The following SUGCT variants were observed in gnomAD, a reference collection of about 807,000 sequenced individuals.
SUGCT encodes the protein succinyl-CoA:glutarate-CoA transferase.
In SUGCT, 41 loss-of-function variants were observed where a neutral mutation model predicts 55.0. The ratio of observed to expected loss-of-function variants is 0.74; its 90% CI spans 0.58 to 0.97. SUGCT has a LOEUF of 0.97. Among genes scored for constraint, SUGCT ranks in the 50% least tolerant of loss-of-function variants. The probability of loss-of-function intolerance (pLI) is 0.00; values close to 1 mark genes in which losing one functional copy is unlikely to be tolerated. For missense variants in SUGCT, 568 were observed against 547.8 expected (o/e 1.04, Z -0.37); for synonymous variants, 187 against 200.4 (o/e 0.93, Z 0.56).
chr7:40,720,223 A>G (rs770205585), intron 12 of SUGCT, among the ~76,000 whole-genome samples: 3 of 152,180 alleles, frequency 2.0e-5, no homozygotes, highest in African/African-American at 4.8e-5. Context: ...CTTGGTCCTG[A>G]GTATTCTTAT....
chr7:40,473,388 T>C (rs1790501427), intron 11 of SUGCT, among the ~76,000 whole-genome samples: 1 of 152,208 alleles, frequency 6.6e-6, no homozygotes, highest in Non-Finnish European at 1.5e-5. Flanking sequence ...TTGGATGTGA[T>C]ATTTGATTGA....
intron 9 of SUGCT, among the ~76,000 whole-genome samples, chr7:40,344,976 A>G (rs13232967): frequency 0.96 from 146,110 of 152,272 alleles, 70,383 homozygotes; most frequent in East Asian, 1. Flanking sequence ...TCGATTCTCC[A>G]TAGGTACTTG....
the SUGCT span, among the ~76,000 whole-genome samples, chr7:40,953,171 A>G: frequency 6.6e-6 from 1 of 152,048 alleles, no homozygotes; most frequent in Non-Finnish European, 1.5e-5. Context: ...TTTTTCCTCT[A>G]AACTTCTCTT....
intron 11 of SUGCT, among the ~76,000 whole-genome samples, chr7:40,459,976 G>C (rs1049756087): frequency 6.6e-6 from 1 of 152,120 alleles, no homozygotes; most frequent in East Asian, 1.9e-4. Context: ...ATGCCCACAT[G>C]AACTTTTCTT....
intron 12 of SUGCT, among the ~76,000 whole-genome samples, chr7:40,587,968 T>A (rs1004138620): frequency 6.7e-6 from 1 of 149,088 alleles, no homozygotes; most frequent in Non-Finnish European, 1.5e-5. Flanking sequence ...AGTGGTGCAA[T>A]CACAGCTCAT....
At chr7:40,279,097 A>C (rs1251296379) in intron 8 of SUGCT, among the ~76,000 whole-genome samples, 1 of 151,358 alleles carries the variant, frequency 6.6e-6, no homozygotes, top group African/African-American at 2.4e-5. Context: ...TTGGCCTGCC[A>C]ACATGTTGGT....
At chr7:40,182,163 C>G (rs1785248963) in intron 3 of SUGCT, 135 bp downstream of exon 3, 1 of 607,320 alleles carries the variant, frequency 1.6e-6, no homozygotes, top group Middle Eastern at 4.5e-4. Flanking sequence ...TCTTTTTCTT[C>G]TCCATTTCTT....
chr7:40,665,518 C>T (rs1394901416), intron 12 of SUGCT, among the ~76,000 whole-genome samples: 1 of 151,496 alleles, frequency 6.6e-6, no homozygotes, highest in African/African-American at 2.4e-5. Flanking sequence ...CAGGAAAATC[C>T]AGCATGAGTG....
chr7:41,009,536 A>T, the SUGCT span, among the ~76,000 whole-genome samples: 1 of 149,030 alleles, frequency 6.7e-6, no homozygotes, highest in African/African-American at 2.5e-5. Flanking sequence ...CCATCCATCC[A>T]TCCTTCCTTC....
At chr7:40,452,986 C>CT (rs1789274740) in intron 10 of SUGCT, among the ~76,000 whole-genome samples, 1 of 152,172 alleles carries the variant, frequency 6.6e-6, no homozygotes, top group Non-Finnish European at 1.5e-5. Flanking sequence ...GCTTTTCCCT[C>CT]TAGTTATTCC....
chr7:40,449,407 G>C (rs1021383701), intron 10 of SUGCT, 49 bp downstream of exon 10: 1 of 1,486,584 alleles, frequency 6.7e-7, no homozygotes, highest in Non-Finnish European at 9.3e-7. Flanking sequence ...CAAAGCCAGG[G>C]AAAGTTCAGT....
intron 12 of SUGCT, among the ~76,000 whole-genome samples, chr7:40,599,355 G>C (rs1272458483): frequency 6.6e-6 from 1 of 152,258 alleles, no homozygotes; most frequent in Non-Finnish European, 1.5e-5. Flanking sequence ...AGGAAATGAA[G>C]TGTGGGAGGG....
chr7:40,551,413 A>G (rs1034315399), intron 12 of SUGCT, among the ~76,000 whole-genome samples: 1 of 152,224 alleles, frequency 6.6e-6, no homozygotes, highest in African/African-American at 2.4e-5. Flanking sequence ...CTCAACCTAT[A>G]CTCACATATA....
intron 8 of SUGCT, among the ~76,000 whole-genome samples, chr7:40,294,510 A>G (rs536822742): frequency 6.6e-6 from 1 of 152,230 alleles, no homozygotes; most frequent in South Asian, 2.1e-4. Flanking sequence ...AGTCTTTTAA[A>G]TCATATTCAC....
Position 40,632,719 on chromosome 7 carries a change from A to G in SUGCT, c.1090-116715A>G, listed in dbSNP as rs187112825. The stretch of plus-strand genomic sequence containing the variant: ...ATGTCAAGTATATGTCAGTCACACA[A>G]GTAGTTGAAAATATGATTTATTTTT... On this transcript the variant is annotated intron_variant, in intron 12 of 13. Transcript: ENST00000335693. Among the ~76,000 whole-genome samples, 242 of 152,176 alleles carry G rather than the reference A, an allele frequency of 1.6e-3. 1 individual carries two copies. Among genetic ancestry groups the G allele is most frequent in the African/African-American group, 5.6e-3 (234 of 41,522 alleles).
intron 12 of SUGCT, 69 bp from the exon 13 acceptor site, chr7:40,749,365 G>T: frequency 8.2e-7 from 1 of 1,223,132 alleles, no homozygotes. Context: ...ATAGATGGCT[G>T]TCCATGCCTT....
intron 1 of SUGCT, among the ~76,000 whole-genome samples, chr7:40,175,463 G>T (rs1248359062): frequency 6.6e-6 from 1 of 152,052 alleles, no homozygotes; most frequent in Non-Finnish European, 1.5e-5. Context: ...TAAGTGATCC[G>T]CCTGCCTCCT....
At chr7:40,828,738 A>C (rs1792493377) in intron 13 of SUGCT, among the ~76,000 whole-genome samples, 1 of 152,172 alleles carries the variant, frequency 6.6e-6, no homozygotes, top group Non-Finnish European at 1.5e-5. Context: ...AATGCATGGG[A>C]AAGACTGACC....
rs573875852 is a variant in SUGCT at position 40,789,427 on chromosome 7, A to G, written c.1153+39930A>G. On this transcript the variant is annotated intron_variant, in intron 13 of 13. Transcript: ENST00000335693. ...TTAAAGGTTCATCCATATGGCATGG[A>G]TTTTCCCATCCATCAAAATAGCAGG... 6.3e-4 allele frequency among the ~76,000 whole-genome samples: 96 copies of G among 152,214 alleles called. 3 individuals carry two copies. The South Asian group carries it at 0.019, about 30-fold the overall frequency.
Sources: gnomAD v4.1 joint callset for allele counts (sites outside exome capture counted in the v4.1 genomes callset) on GRCh38, gnomAD v4.1.1 for gene constraint, MANE v1.5 for transcripts, NCBI Gene and HGNC (gene_info 2026-07-23, HGNC 2026-07-21) for gene names.